Variants in CRPPA observed in about 807,000 individuals in gnomAD.
The protein encoded by CRPPA is CDP-L-ribitol pyrophosphorylase A.
CRPPA carries 43 observed loss-of-function variants against 52.0 expected under a neutral mutation model. The observed-to-expected ratio is 0.83, with a 90% CI of 0.65 to 1.07. The LOEUF is 1.07. Among genes scored for constraint, CRPPA ranks in the 50% least tolerant of loss-of-function variants. CRPPA has a pLI of 0.00. For missense variants in CRPPA, 629 were observed against 551.7 expected (o/e 1.14, Z -1.40); for synonymous variants, 250 against 203.5 (o/e 1.23, Z -1.94).
At chr7:16,306,063 C>T (rs1011849216) in intron 4 of CRPPA, among the ~76,000 whole-genome samples, 11 of 152,134 alleles carry the variant, frequency 7.2e-5, no homozygotes, top group Admixed American at 4.6e-4. Context: ...CTCCAATATC[C>T]ACCTCCATCA....
At chr7:16,199,295 C>T (rs947654205) in intron 9 of CRPPA, among the ~76,000 whole-genome samples, 11 of 152,228 alleles carry the variant, frequency 7.2e-5, no homozygotes, top group African/African-American at 2.6e-4. Context: ...CACTCTTTAC[C>T]CTATCAGTAG....
At chr7:16,177,464 A>T (rs1781326115) in intron 9 of CRPPA, among the ~76,000 whole-genome samples, 1 of 152,128 alleles carries the variant, frequency 6.6e-6, no homozygotes, top group African/African-American at 2.4e-5. Context: ...CGGAGATCAG[A>T]TAATCAGGTA....
chr7:16,384,089 A>T (rs1409094749), intron 2 of CRPPA, among the ~76,000 whole-genome samples: 1 of 151,888 alleles, frequency 6.6e-6, no homozygotes, highest in African/African-American at 2.4e-5. Context: ...CTTCTGCGTC[A>T]CTCAGGCTGG....
chr7:16,176,992 G>T, intron 9 of CRPPA, among the ~76,000 whole-genome samples: 1 of 151,974 alleles, frequency 6.6e-6, no homozygotes, highest in East Asian at 1.9e-4. Flanking sequence ...ATTGATATAC[G>T]CAGCAACACA....
At chr7:16,222,224 C>G (rs1005077667) in intron 8 of CRPPA, among the ~76,000 whole-genome samples, 24 of 146,644 alleles carry the variant, frequency 1.6e-4, no homozygotes, top group Non-Finnish European at 3.3e-4. Context: ...TATTCTCACT[C>G]ATAGGTGGGA....
At chr7:16,302,978 T>G (rs1784822343) in intron 4 of CRPPA, among the ~76,000 whole-genome samples, 1 of 152,184 alleles carries the variant, frequency 6.6e-6, no homozygotes, top group African/African-American at 2.4e-5. Flanking sequence ...CCCATATTGC[T>G]GTAAAAGTTA....
intron 8 of CRPPA, among the ~76,000 whole-genome samples, chr7:16,254,448 T>G (rs1159981900): frequency 1.3e-5 from 2 of 152,022 alleles, no homozygotes; most frequent in African/African-American, 4.8e-5. Flanking sequence ...GGGACATGGA[T>G]GAAGCTGGAA....
At chr7:16,205,273 A>G (rs1406548612) in intron 9 of CRPPA, among the ~76,000 whole-genome samples, 2 of 152,200 alleles carry the variant, frequency 1.3e-5, no homozygotes, top group African/African-American at 4.8e-5. Flanking sequence ...CCTGATTTAC[A>G]TGACTTGAGA....
chr7:16,296,622 A>C (rs1388836853), intron 5 of CRPPA, among the ~76,000 whole-genome samples: 2 of 152,180 alleles, frequency 1.3e-5, no homozygotes. Flanking sequence ...AGCACTCATC[A>C]CAGAACAAAA....
chr7:16,263,308 T>C (rs1267580878), intron 6 of CRPPA, among the ~76,000 whole-genome samples: 2 of 152,206 alleles, frequency 1.3e-5, no homozygotes, highest in Non-Finnish European at 2.9e-5. Context: ...TCTTAAACTC[T>C]AAAGAAATTT....
At chr7:16,157,732 T>A (rs1319281494) in intron 9 of CRPPA, among the ~76,000 whole-genome samples, 1 of 152,108 alleles carries the variant, frequency 6.6e-6, no homozygotes, top group Non-Finnish European at 1.5e-5. Context: ...AGCACGAAGG[T>A]CTACCTTAAA....
intron 3 of CRPPA, among the ~76,000 whole-genome samples, chr7:16,317,597 T>G (rs573411224): frequency 6.6e-6 from 1 of 152,178 alleles, no homozygotes; most frequent in Non-Finnish European, 1.5e-5. Flanking sequence ...TTATTTCTTT[T>G]GTGGCTAAGT....
At chr7:16,408,556 T>C (rs1481852795) in intron 1 of CRPPA, among the ~76,000 whole-genome samples, 2 of 152,166 alleles carry the variant, frequency 1.3e-5, no homozygotes, top group African/African-American at 2.4e-5. Flanking sequence ...TAGGCAGCCA[T>C]AGAAAAGCTT....
chr7:16,165,373 A>ATATT (rs1310324690), intron 9 of CRPPA, among the ~76,000 whole-genome samples: 1 of 152,210 alleles, frequency 6.6e-6, no homozygotes, highest in Non-Finnish European at 1.5e-5. Context: ...GAAGCTTAAT[A>ATATT]TATTTACATT....
intron 2 of CRPPA, among the ~76,000 whole-genome samples, chr7:16,405,442 C>T (rs2128318318): frequency 6.6e-6 from 1 of 152,186 alleles, no homozygotes; most frequent in African/African-American, 2.4e-5. Flanking sequence ...AATACCATCG[C>T]TTGGCAATAA....
chr7:16,421,357 G>A lies in CRPPA; in HGVS notation c.-35C>T. The A allele has an allele frequency of 8.1e-7, 1 of 1,228,402 alleles. No homozygotes were observed. The highest frequency in any genetic ancestry group is 1.6e-5 in the African/African-American group (1 of 63,962). The allele number at this position is 1,228,402 out of a possible 1,614,324, so 76.1% of individuals were successfully genotyped here. A position where few individuals can be genotyped will look rare whatever the true frequency, so the allele number is the denominator to read the frequency against. On this transcript the variant is annotated 5_prime_UTR_variant, in exon 1 of 10. Coordinates refer to ENST00000407010, the MANE Select transcript of CRPPA (RefSeq NM_001101426.4). ...CGGAACGGCGAGCCCCGCTAGCCTC[G>A]GGCCGATGCGACCCCGCGCTGCTCC...
chr7:16,224,213 T>C (rs1782592601), intron 8 of CRPPA, among the ~76,000 whole-genome samples: 1 of 152,184 alleles, frequency 6.6e-6, no homozygotes, highest in Non-Finnish European at 1.5e-5. Flanking sequence ...GCAAGCTTTA[T>C]GTTTGTCTAG....
At chr7:16,264,480 T>C (rs1783900101) in intron 6 of CRPPA, among the ~76,000 whole-genome samples, 1 of 152,236 alleles carries the variant, frequency 6.6e-6, no homozygotes, top group African/African-American at 2.4e-5. Context: ...ATTAATACTA[T>C]ATAAAGCATG....
At position 16,234,984 on chromosome 7, in the gene CRPPA, C is replaced by A. The variant is rs543957094; in HGVS notation, c.1120-18787G>T. ...TAAATAACTTAGTATTTCCAGAGGG[C>A]AAACTACTCAATAAGGAAATGAGAA... On this transcript the variant is annotated intron_variant, in intron 8 of 9. Coordinates refer to ENST00000407010, the MANE Select transcript of CRPPA (RefSeq NM_001101426.4). Among the ~76,000 whole-genome samples the A allele has an allele frequency of 1.5e-4, 23 of 152,084 alleles. No individual in the cohort carries two copies. In the South Asian group the frequency reaches 4.8e-3, roughly 32 times the overall value.
Sources: allele counts gnomAD v4.1 joint callset (sites outside exome capture counted in the v4.1 genomes callset), GRCh38; gene constraint gnomAD v4.1.1; transcripts MANE v1.5; gene names NCBI Gene and HGNC (gene_info 2026-07-23, HGNC 2026-07-21).